Variants in ZZEF1 observed in about 807,000 individuals in gnomAD.
ZZEF1 encodes the protein zinc finger ZZ-type and EF-hand domain-containing protein 1.
Under a neutral mutation model 342.8 loss-of-function variants are expected in ZZEF1, and 157 were observed. The ratio of observed to expected loss-of-function variants is 0.46; its 90% CI spans 0.40 to 0.52. The LOEUF is 0.52. Among genes scored for constraint, ZZEF1 ranks in the 20% least tolerant of loss-of-function variants. The pLI is 0.00. For synonymous variants in ZZEF1, 1,505 were observed against 1,429.1 expected (o/e 1.05, Z -1.20); for missense variants, 3,480 against 3,725.6 (o/e 0.93, Z 1.72).
chr17:4,109,796 A>G lies in ZZEF1; in HGVS notation c.1134T>C (p.Ala378=), dbSNP rs751301662. The change falls in exon 6 of 55, where the codon GCT becomes GCC. Residue 378 remains alanine, a synonymous_variant. Transcript: ENST00000381638. The part of the protein sequence containing the change: ...GCDTRIHGLR[A]VGFQRVKKSG... ...ACTTCTTAACTCTCTGAAAGCCAAC[A>G]GCCCTGAGACCATGAATTCTAGTGT... The G allele has an allele frequency of 6.2e-7, 1 of 1,614,244 alleles. No individual in the cohort carries two copies. The highest frequency in any genetic ancestry group is 1.1e-5 in the South Asian group (1 of 91,090).
chr17:4,088,986 A>C (rs974026907), intron 12 of ZZEF1, 93 bp from the exon 13 acceptor site: 1 of 1,187,860 alleles, frequency 8.4e-7, no homozygotes, highest in African/African-American at 1.5e-5. Context: ...AGGTCTTCCT[A>C]TGATTTTCGT....
intron 1 of ZZEF1, among the ~76,000 whole-genome samples, chr17:4,135,646 T>C (rs1020339642): frequency 1.3e-5 from 2 of 152,160 alleles, no homozygotes; most frequent in African/African-American, 4.8e-5. Flanking sequence ...CTCCCCAAAG[T>C]TACCATCCCT....
intron 34 of ZZEF1, among the ~76,000 whole-genome samples, chr17:4,052,696 G>A (rs1002018753): frequency 1.3e-5 from 2 of 152,282 alleles, no homozygotes; most frequent in Non-Finnish European, 2.9e-5. Context: ...GTGAAACCTC[G>A]TCTCTATTGA....
At position 4,017,600 on chromosome 17, in the gene ZZEF1, A is replaced by C. The variant is rs2056142574; in HGVS notation, c.7772T>G (p.Leu2591Arg). Reference protein sequence around the residue: ...KQRRSKSAALLHKELNCKSKR... With the variant: ...KQRRSKSAALRHKELNCKSKR... ...ACTCTTGCAGTTCAGCTCCTTGTGC[A>C]GGAGGGCGGCGCTCTTGCTACGGCG... Residue 2591 changes from leucine to arginine, a missense_variant, in exon 48 of 55, where the codon CTG becomes CGG. Coordinates refer to ENST00000381638, the MANE Select transcript of ZZEF1 (RefSeq NM_015113.4). This position sits in a 1 kb window ranked among gnomAD's most constrained non-coding sequence, Gnocchi z 5.1. 1.9e-6 allele frequency: 3 copies of C among 1,614,222 alleles called. No homozygotes were observed. In the East Asian group the frequency reaches 6.7e-5, roughly 36 times the overall value.
chr17:4,086,093 C>G (rs919313569), intron 15 of ZZEF1, among the ~76,000 whole-genome samples: 1 of 152,228 alleles, frequency 6.6e-6, no homozygotes. Context: ...TTCACTCCCC[C>G]TCAATCTATC....
chr17:4,135,860 G>A (rs929073027), intron 1 of ZZEF1, among the ~76,000 whole-genome samples: 6 of 151,142 alleles, frequency 4.0e-5, no homozygotes, highest in South Asian at 2.1e-4. Flanking sequence ...CAGAACAAGT[G>A]CTTCTCAACT....
intron 38 of ZZEF1, among the ~76,000 whole-genome samples, chr17:4,043,850 C>T (rs1365406318): frequency 6.6e-6 from 1 of 152,216 alleles, no homozygotes; most frequent in East Asian, 1.9e-4. Context: ...TCAACACCCA[C>T]TTACACCTCA....
intron 37 of ZZEF1, among the ~76,000 whole-genome samples, chr17:4,045,340 T>C (rs536304118): frequency 6.6e-6 from 1 of 152,332 alleles, no homozygotes; most frequent in Admixed American, 6.5e-5. Context: ...AATTCTTTCT[T>C]TCTTTTTCTT....
chr17:4,139,913 G>A (rs1256866915), intron 1 of ZZEF1, among the ~76,000 whole-genome samples: 1 of 152,230 alleles, frequency 6.6e-6, no homozygotes, highest in Non-Finnish European at 1.5e-5. Flanking sequence ...GCAGGTAACT[G>A]CGGCCATGTG....
Position 4,081,368 on chromosome 17 carries a change from C to T in ZZEF1, c.2829+8G>A. 1 of 1,610,262 alleles carries T rather than the reference C, an allele frequency of 6.2e-7. No homozygotes were observed. The highest frequency in any genetic ancestry group is 8.5e-7 in the Non-Finnish European group (1 of 1,177,686). ...GACAAAGAAAACAGGGAGGCAGCCA[C>T]TGGATACCTCTCGAGCAGCAACAGA... is the stretch of plus-strand genomic sequence containing the variant. On this transcript the variant is annotated splice_region_variant and intron_variant, in intron 18 of 54. Transcript: ENST00000381638.
intron 39 of ZZEF1, among the ~76,000 whole-genome samples, chr17:4,036,776 T>TACACACACACAC (rs761229612): frequency 3.7e-4 from 37 of 99,928 alleles, no homozygotes; most frequent in African/African-American, 8.0e-4. Context: ...ATATATAGAA[T>TACACACACACAC]ACACACACAC....
chr17:4,021,293 T>C lies in ZZEF1; in HGVS notation c.7240A>G (p.Lys2414Glu), dbSNP rs1426595454. ...TCAGCCAAAGCGTTGATCTCCTTTT[T>C]TGAGGAGTACAGCATGATGGACAAA... ...EILSIMLYSS[K>E]KEINALAEHG... The change falls in exon 45 of 55, where the codon AAA becomes GAA. Residue 2414 changes from lysine (K) to glutamate (E), a missense_variant. Physicochemically the swap from Lys to Glu is moderately conservative, Grantham distance 56 (BLOSUM62 1). Transcript: ENST00000381638. The C allele has an allele frequency of 1.2e-6, 2 of 1,613,790 alleles. No individual in the cohort carries two copies. Among genetic ancestry groups the C allele is most frequent in the East Asian group, 2.2e-5 (1 of 44,882 alleles).
intron 30 of ZZEF1, among the ~76,000 whole-genome samples, chr17:4,061,870 C>T (rs1337561142): frequency 6.6e-6 from 1 of 152,152 alleles, no homozygotes; most frequent in Non-Finnish European, 1.5e-5. Flanking sequence ...CTGCCACAGA[C>T]TCCTAACTGC....
chr17:4,105,263 A>G (rs551398998), intron 7 of ZZEF1, among the ~76,000 whole-genome samples: 1 of 152,354 alleles, frequency 6.6e-6, no homozygotes, highest in South Asian at 2.1e-4. Flanking sequence ...TAATGTCCTC[A>G]GGGCTCACTG....
chr17:4,083,562 C>T (rs2057763546), intron 16 of ZZEF1, among the ~76,000 whole-genome samples: 2 of 152,122 alleles, frequency 1.3e-5, no homozygotes, highest in South Asian at 2.1e-4. Flanking sequence ...TAAGTTTTTC[C>T]TTGCGGCAGG....
intron 42 of ZZEF1, among the ~76,000 whole-genome samples, chr17:4,029,692 T>A (rs536975616): frequency 2.0e-5 from 3 of 151,450 alleles, no homozygotes; most frequent in Non-Finnish European, 2.9e-5. Context: ...CTGACCAACA[T>A]GGTAAACCCT....
At chr17:4,081,812 G>A (rs140364904) in intron 17 of ZZEF1, among the ~76,000 whole-genome samples, 274 of 148,112 alleles carry the variant, frequency 1.8e-3, no homozygotes, top group African/African-American at 6.3e-3. Flanking sequence ...CTGGCTAAAC[G>A]TTCCTTGTGT....
intron 6 of ZZEF1, among the ~76,000 whole-genome samples, chr17:4,107,900 G>T (rs9907835): frequency 0.14 from 21,925 of 152,126 alleles, 1,708 homozygotes; most frequent in African/African-American, 0.2. Flanking sequence ...GATAAGCCTG[G>T]AATATCTTGT....
At chr17:4,089,358 C>T (rs1158635710) in intron 12 of ZZEF1, among the ~76,000 whole-genome samples, 2 of 152,350 alleles carry the variant, frequency 1.3e-5, no homozygotes, top group East Asian at 3.9e-4. Flanking sequence ...TTCATGCAAA[C>T]TACCTGCTTC....
Sources: gnomAD v4.1 joint callset for allele counts (sites outside exome capture counted in the v4.1 genomes callset) on GRCh38, gnomAD v4.1.1 for gene constraint, Gnocchi (gnomAD v3.1) non-coding constraint, MANE v1.5 for transcripts, NCBI Gene and HGNC (gene_info 2026-07-23, HGNC 2026-07-21) for gene names.